RGS6: variants seen among roughly 807,000 people sequenced by gnomAD.
RGS6 encodes regulator of G protein signaling 6, also known as regulator of G-protein signaling 6.
In RGS6, 30 loss-of-function variants were observed where a neutral mutation model predicts 78.5. That is an observed-to-expected ratio of 0.38 (90% CI 0.29 to 0.52). RGS6 has a LOEUF of 0.52. RGS6 is among the 20% of genes least tolerant of loss of function. RGS6 has a pLI of 0.85. For missense variants in RGS6, 495 were observed against 609.7 expected (o/e 0.81, Z 1.98); for synonymous variants, 206 against 206.0 (o/e 1.00, Z 0.00).
intron 2 of RGS6, among the ~76,000 whole-genome samples, chr14:72,081,752 A>G (rs1414690127): frequency 2.0e-5 from 3 of 152,146 alleles, no homozygotes; most frequent in African/African-American, 4.8e-5. Flanking sequence ...ATGCAAGTCT[A>G]TCTTCAACTC....
chr14:72,538,339 C>T (rs1174758065), intron 16 of RGS6, among the ~76,000 whole-genome samples: 1 of 152,250 alleles, frequency 6.6e-6, no homozygotes, highest in African/African-American at 2.4e-5. Context: ...TCTTGAGGCA[C>T]AGCCTTCTGA....
At chr14:72,050,186 G>GA (rs1428490362) in intron 2 of RGS6, among the ~76,000 whole-genome samples, 2 of 152,104 alleles carry the variant, frequency 1.3e-5, no homozygotes, top group East Asian at 3.9e-4. Flanking sequence ...TAAGAAAAAA[G>GA]AAAAAAGAAT....
At chr14:71,878,010 A>G in the RGS6 span, among the ~76,000 whole-genome samples, 1 of 152,204 alleles carries the variant, frequency 6.6e-6, no homozygotes, top group Non-Finnish European at 1.5e-5. Flanking sequence ...ATATTGCAGA[A>G]CAGCAAATGT....
Position 72,161,095 on chromosome 14 carries a change from C to T in RGS6, c.85-191000C>T, listed in dbSNP as rs1054515787. 2.0e-5 allele frequency among the ~76,000 whole-genome samples: 3 copies of T among 152,140 alleles called. No individual in the cohort carries two copies. In the South Asian group the frequency reaches 6.2e-4, roughly 31 times the overall value. On this transcript the variant is annotated intron_variant, in intron 2 of 17. Transcript: ENST00000553525. Reference sequence around the variant, plus strand: ...GATGAGTTCGTGTCCTTTGCAGAGACTTGGATGAAGCTGGAAACCATCATT... The same window carrying T: ...GATGAGTTCGTGTCCTTTGCAGAGATTTGGATGAAGCTGGAAACCATCATT...
At chr14:72,623,892 A>G in the RGS6 span, among the ~76,000 whole-genome samples, 7 of 152,210 alleles carry the variant, frequency 4.6e-5, no homozygotes, top group African/African-American at 1.7e-4. Context: ...CCAGGTCTGG[A>G]GCATAAAATG....
intron 13 of RGS6, 59 bp from the exon 14 acceptor site, chr14:72,510,095 A>G (rs1598491517): frequency 6.6e-7 from 1 of 1,521,138 alleles, no homozygotes; most frequent in Non-Finnish European, 8.8e-7. Flanking sequence ...TGAAGAGAAT[A>G]TGACACGAGC....
In RGS6 at chr14:72,397,110, G is replaced by A. The variant is rs555586283; in HGVS notation, c.184+44916G>A. Among the ~76,000 whole-genome samples the A allele has an allele frequency of 1.2e-4, 18 of 152,270 alleles. No homozygotes were observed. The South Asian group carries it at 3.5e-3, about 30-fold the overall frequency. The stretch of plus-strand genomic sequence containing the variant: ...AGTCATTGGTAGCTTGATGGGGATG[G>A]CATTGAATCTATAAATTACCTTGGG... On this transcript the variant is annotated intron_variant, in intron 3 of 17. Transcript: ENST00000553525.
rs948965417 is a variant in RGS6 at position 72,549,827 on chromosome 14, A to C, written c.1422+9733A>C. 3.3e-5 allele frequency among the ~76,000 whole-genome samples: 5 copies of C among 152,202 alleles called. No individual in the cohort carries two copies. In the East Asian group the frequency reaches 5.8e-4, roughly 18 times the overall value. On this transcript the variant is annotated intron_variant, in intron 17 of 17. Transcript: ENST00000553525. ...CAGTGAGCCAAGCTTGCACCACCTC[A>C]CTCCAGCCTGGGCGACAGAGCAAAA... is the stretch of plus-strand genomic sequence containing the variant.
rs563552344 is a variant in RGS6, at chr14:72,465,550, CTGGATGGA to C, written c.395-164_395-157del. Among the ~76,000 whole-genome samples, 585 of 110,340 alleles carry C rather than the reference CTGGATGGA, an allele frequency of 5.3e-3. 6 individuals are homozygous for C. The highest frequency in any genetic ancestry group is 9.3e-3 in the South Asian group (25 of 2,688). The allele number at this position is 110,340 out of a possible 152,430, so 72.4% of individuals were successfully genotyped here. A position where few individuals can be genotyped will look rare whatever the true frequency, so the allele number is the denominator to read the frequency against. On this transcript the variant is annotated intron_variant, in intron 6 of 17. Transcript: ENST00000553525. Reference sequence around the variant, plus strand: ...TAGCAAGGGTGGGTGGGCGGGCTGTCTGGATGGATGGATGGATGGATGGATGGATGGAT... The same window carrying C: ...TAGCAAGGGTGGGTGGGCGGGCTGTCTGGATGGATGGATGGATGGATGGAT...
the RGS6 span, among the ~76,000 whole-genome samples, chr14:72,607,837 C>A: frequency 6.6e-6 from 1 of 152,220 alleles, no homozygotes; most frequent in Non-Finnish European, 1.5e-5. Flanking sequence ...GGCTCGACAA[C>A]CTGCTCAATG....
chr14:72,477,812 A>G (rs1297868276), intron 11 of RGS6, among the ~76,000 whole-genome samples: 4 of 147,472 alleles, frequency 2.7e-5, no homozygotes, highest in Admixed American at 1.4e-4. Flanking sequence ...AAAAAAAGAA[A>G]AAAAGAAAAA....
At chr14:72,591,489 A>G in the RGS6 span, among the ~76,000 whole-genome samples, 1 of 152,146 alleles carries the variant, frequency 6.6e-6, no homozygotes, top group Non-Finnish European at 1.5e-5. Flanking sequence ...TTGGCTTCAG[A>G]CCAAAATAAT....
chr14:72,331,937 C>A (rs2075136988), intron 2 of RGS6, among the ~76,000 whole-genome samples: 1 of 152,226 alleles, frequency 6.6e-6, no homozygotes, highest in African/African-American at 2.4e-5. Flanking sequence ...TATCTAATCT[C>A]TGTTGCATTC....
chr14:72,153,494 A>G (rs960481536), intron 2 of RGS6, among the ~76,000 whole-genome samples: 7 of 152,214 alleles, frequency 4.6e-5, no homozygotes, highest in African/African-American at 1.4e-4. Flanking sequence ...TCTTCTCATC[A>G]GTGAGATAGC....
chr14:72,410,306 C>T (rs1193209744), intron 3 of RGS6, among the ~76,000 whole-genome samples: 1 of 152,222 alleles, frequency 6.6e-6, no homozygotes, highest in Non-Finnish European at 1.5e-5. Context: ...ATTTGCATTT[C>T]TCTGATGGCC....
chr14:72,310,655 C>G (rs1567722017), intron 2 of RGS6, among the ~76,000 whole-genome samples: 1 of 152,200 alleles, frequency 6.6e-6, no homozygotes, highest in African/African-American at 2.4e-5. Flanking sequence ...AGAGGCTCTG[C>G]TTGTGGATTC....
At chr14:71,981,707 T>C (rs1326445838) in intron 2 of RGS6, among the ~76,000 whole-genome samples, 676 of 151,528 alleles carry the variant, frequency 4.5e-3, no homozygotes, top group Admixed American at 8.5e-3. Flanking sequence ...GACAGGGACA[T>C]TTAAGTCTGC....
At chr14:72,131,420 T>C (rs2096312991) in intron 2 of RGS6, among the ~76,000 whole-genome samples, 2 of 152,232 alleles carry the variant, frequency 1.3e-5, no homozygotes, top group South Asian at 4.1e-4. Context: ...TGCTCCCTTA[T>C]CTGGAATTTT....
rs112052879 is a variant in RGS6, at chr14:72,158,916, T to A, written c.85-193179T>A. On this transcript the variant is annotated intron_variant, in intron 2 of 17. Transcript: ENST00000553525. ...TCCACCCTTTTCTTTCTGTGTGGCA[T>A]TCAGCAAGTTACTTAACCCACCTGT... Among the ~76,000 whole-genome samples the A allele has an allele frequency of 5.9e-5, 9 of 152,300 alleles. 2 individuals carry two copies. The highest frequency in any genetic ancestry group is 1.9e-4 in the African/African-American group (8 of 41,570).
Sources: allele counts gnomAD v4.1 joint callset (sites outside exome capture counted in the v4.1 genomes callset), GRCh38; gene constraint gnomAD v4.1.1; transcripts MANE v1.5; gene names NCBI Gene and HGNC (gene_info 2026-07-23, HGNC 2026-07-21).